KCNG3: variants seen among roughly 807,000 people sequenced by gnomAD.
KCNG3 encodes the protein voltage-gated potassium channel regulatory subunit KCNG3.
Under a neutral mutation model 29.0 loss-of-function variants are expected in KCNG3, and 15 were observed. That is an observed-to-expected ratio of 0.52 (90% confidence interval 0.35 to 0.80). The LOEUF (loss-of-function observed/expected upper bound fraction) is 0.80. Among genes scored for constraint, KCNG3 ranks in the 30% least tolerant of loss-of-function variants. KCNG3 has a pLI of 0.01. For missense variants in KCNG3, 512 were observed against 605.7 expected (o/e 0.85, Z 1.62); for synonymous variants, 322 against 248.9 (o/e 1.29, Z -2.76).
At chr2:42,435,831 G>A in the KCNG3 span, among the ~76,000 whole-genome samples, 3 of 152,254 alleles carry the variant, frequency 2.0e-5, no homozygotes, top group Admixed American at 1.3e-4. Context: ...AAAACAGTTT[G>A]GCAGCTCCTC....
the KCNG3 span, among the ~76,000 whole-genome samples, chr2:42,412,625 T>C: frequency 1.3e-5 from 2 of 152,362 alleles, no homozygotes; most frequent in East Asian, 3.9e-4. Flanking sequence ...TGTTTCTTTC[T>C]GTGAGATAAA....
At chr2:42,448,589 C>T (rs1018302350) in intron 1 of KCNG3, among the ~76,000 whole-genome samples, 4 of 152,106 alleles carry the variant, frequency 2.6e-5, no homozygotes, top group Non-Finnish European at 5.9e-5. Flanking sequence ...TCTCAATTTT[C>T]ATTACAGTTG....
At chr2:42,392,880 G>A in the KCNG3 span, among the ~76,000 whole-genome samples, 13 of 152,026 alleles carry the variant, frequency 8.6e-5, no homozygotes, top group African/African-American at 2.7e-4. Flanking sequence ...GACCAGAAGC[G>A]TCAATTTCTA....
intron 1 of KCNG3, among the ~76,000 whole-genome samples, chr2:42,452,772 T>C (rs909300905): frequency 2.9e-5 from 3 of 104,390 alleles, no homozygotes; most frequent in Non-Finnish European, 4.1e-5. Context: ...TTCAACTGGG[T>C]GTGTGTGTGT....
chr2:42,457,793 G>A (rs1312955647), intron 1 of KCNG3, among the ~76,000 whole-genome samples: 2 of 151,364 alleles, frequency 1.3e-5, no homozygotes, highest in African/African-American at 4.8e-5. Flanking sequence ...TCCAGCCTGG[G>A]TAACAGAGTA....
At chr2:42,424,056 C>T in the KCNG3 span, among the ~76,000 whole-genome samples, 2 of 152,304 alleles carry the variant, frequency 1.3e-5, no homozygotes, top group Admixed American at 6.5e-5. Flanking sequence ...AGACCCCCAC[C>T]TCCAGCTTTG....
downstream of KCNG3, among the ~76,000 whole-genome samples, chr2:42,441,145 C>T (rs1006620165): frequency 1.3e-5 from 2 of 152,126 alleles, no homozygotes; most frequent in African/African-American, 4.8e-5. Flanking sequence ...CTTTGAGAGG[C>T]TGAGGTGGGA....
chr2:42,443,494 A>G lies in KCNG3; in HGVS notation c.*440T>C, dbSNP rs1248477833. 6.4e-6 allele frequency: 1 copy of G among 155,716 alleles called. No homozygotes were observed. The highest frequency in any genetic ancestry group is 1.4e-5 in the Non-Finnish European group (1 of 70,222). 9.6% of individuals were successfully genotyped at this position (155,716 alleles called of 1,614,324 possible). A position where few individuals can be genotyped will look rare whatever the true frequency, so the allele number is the denominator to read the frequency against. ...CGCATGTGACATATGTTTCCAGGAT[A>G]CTTCTGACATTGATATGAGAAATTA... On this transcript the variant is annotated 3_prime_UTR_variant, in exon 2 of 2. Transcript: ENST00000306078.
the KCNG3 span, among the ~76,000 whole-genome samples, chr2:42,403,331 C>T: frequency 1.5e-4 from 23 of 152,130 alleles, no homozygotes; most frequent in Non-Finnish European, 2.9e-4. Context: ...TTTCTGGAGA[C>T]GAGATTTCGC....
chr2:42,492,098 A>T (rs1051906467), intron 1 of KCNG3, among the ~76,000 whole-genome samples: 14 of 152,182 alleles, frequency 9.2e-5, no homozygotes, highest in Non-Finnish European at 5.9e-5. Context: ...AGAAAAAAAA[A>T]TTTACCCAAA....
the KCNG3 span, among the ~76,000 whole-genome samples, chr2:42,401,578 G>C: frequency 6.6e-6 from 1 of 151,864 alleles, no homozygotes; most frequent in African/African-American, 2.4e-5. Flanking sequence ...AGTAGCTGGG[G>C]CCACAAGTGC....
At chr2:42,439,585 G>A (rs1277341600), downstream of KCNG3, among the ~76,000 whole-genome samples, 14 of 134,926 alleles carry the variant, frequency 1.0e-4, no homozygotes, top group East Asian at 2.2e-4. Context: ...TAATTCAAAC[G>A]TTAAAAAAAA....
At chr2:42,401,437 A>G in the KCNG3 span, among the ~76,000 whole-genome samples, 2 of 150,790 alleles carry the variant, frequency 1.3e-5, no homozygotes, top group Non-Finnish European at 3.0e-5. Context: ...TTATATAAAT[A>G]TATATACATA....
chr2:42,438,438 T>C (rs1421447327), downstream of KCNG3, among the ~76,000 whole-genome samples: 2 of 152,156 alleles, frequency 1.3e-5, no homozygotes, highest in African/African-American at 4.8e-5. Flanking sequence ...CAGATATAAA[T>C]AACATAGAAT....
the KCNG3 span, among the ~76,000 whole-genome samples, chr2:42,397,105 C>T: frequency 6.6e-6 from 1 of 151,936 alleles, no homozygotes; most frequent in Non-Finnish European, 1.5e-5. Flanking sequence ...CTTAGCCAGG[C>T]GTGGTGGCAG....
At position 42,459,908 on chromosome 2, in the gene KCNG3, G is replaced by A. The variant is rs185366370; in HGVS notation, c.666-15329C>T. ...GGAGAATGGTGTGAACCCGGGAGGT[G>A]GAGCTTGCAGGGAGCCGAGATTGCA... On this transcript the variant is annotated intron_variant, in intron 1 of 1. Transcript: ENST00000306078. Among the ~76,000 whole-genome samples the A allele has an allele frequency of 1.5e-3, 235 of 152,026 alleles. 1 individual carries two copies. Among genetic ancestry groups the A allele is most frequent in the African/African-American group, 5.5e-3 (227 of 41,448 alleles).
chr2:42,415,889 A>G, the KCNG3 span, among the ~76,000 whole-genome samples: 5 of 152,328 alleles, frequency 3.3e-5, no homozygotes, highest in African/African-American at 1.2e-4. Context: ...CTATAACACT[A>G]TCCTCATAGA....
the KCNG3 span, among the ~76,000 whole-genome samples, chr2:42,406,439 G>A: frequency 2.0e-5 from 3 of 150,440 alleles, no homozygotes; most frequent in South Asian, 6.4e-4. Flanking sequence ...GGCTGGTCTT[G>A]AACTCCTGAC....
chr2:42,469,608 A>C (rs1330205420), intron 1 of KCNG3, among the ~76,000 whole-genome samples: 1 of 152,050 alleles, frequency 6.6e-6, no homozygotes, highest in Non-Finnish European at 1.5e-5. Flanking sequence ...TGGACTAAAG[A>C]CTCAATTTGA....
Sources: allele counts gnomAD v4.1 joint callset (sites outside exome capture counted in the v4.1 genomes callset), GRCh38; gene constraint gnomAD v4.1.1; transcripts MANE v1.5; gene names NCBI Gene and HGNC (gene_info 2026-07-23, HGNC 2026-07-21).